Variants in CGNL1 observed in about 807,000 individuals in gnomAD.
CGNL1 encodes cingulin like 1, also known as cingulin-like protein 1.
A neutral mutation model predicts 141.2 loss-of-function variants in CGNL1; 132 were observed. The observed-to-expected ratio is 0.93, with a 90% CI of 0.81 to 1.08. The LOEUF (loss-of-function observed/expected upper bound fraction) is 1.08, where lower values mean the gene tolerates loss of function less well. CGNL1 is among the 50% of genes least tolerant of loss of function. CGNL1 has a pLI of 0.00. For missense variants in CGNL1, 1,870 were observed against 1,588.6 expected, an observed-to-expected ratio of 1.18 and a Z score of -3.01; for synonymous variants, 690 against 622.1, an observed-to-expected ratio of 1.11 and a Z score of -1.63.
intron 1 of CGNL1, among the ~76,000 whole-genome samples, chr15:57,435,261 A>G (rs933890729): frequency 6.6e-6 from 1 of 152,146 alleles, no homozygotes; most frequent in Admixed American, 6.5e-5. Flanking sequence ...TCTTGATTTT[A>G]TTATTGGTAG....
chr15:57,465,629 G>T (rs2063502637), intron 8 of CGNL1, among the ~76,000 whole-genome samples: 2 of 150,766 alleles, frequency 1.3e-5, no homozygotes. Context: ...GACCTCAGGG[G>T]ATCCGTCAGC....
Position 57,531,725 on chromosome 15 carries a change from A to T in CGNL1, c.3237A>T (p.Glu1079Asp). 6.2e-7 allele frequency: 1 copy of T among 1,613,398 alleles called. No individual in the cohort carries two copies. The highest frequency in any genetic ancestry group is 8.5e-7 in the Non-Finnish European group (1 of 1,179,320). Residue 1079 changes from glutamate to aspartate, a missense_variant, in exon 14 of 19, where the codon GAA becomes GAT. Transcript: ENST00000281282. ...KVSQLEMELE[E>D]ERNNSDLLSE... ...CTCAACTGGAGATGGAACTGGAAGAAGAGAGAAACAACTCAGATTTGCTGT... is the reference window on the plus strand; with the variant it reads ...CTCAACTGGAGATGGAACTGGAAGATGAGAGAAACAACTCAGATTTGCTGT...
At chr15:57,453,568 G>A (rs753831981) in intron 6 of CGNL1, 115 bp from the exon 7 acceptor site, 17 of 1,343,926 alleles carry the variant, frequency 1.3e-5, no homozygotes, top group Non-Finnish European at 1.7e-5. Flanking sequence ...CAGAGAATGG[G>A]GAGGCTCCTT....
chr15:57,519,237 G>T (rs2031073017), intron 10 of CGNL1, among the ~76,000 whole-genome samples: 1 of 152,200 alleles, frequency 6.6e-6, no homozygotes, highest in African/African-American at 2.4e-5. Context: ...AAGTATCTCA[G>T]GTGAGTTTCT....
chr15:57,472,854 T>C (rs1314274277), intron 8 of CGNL1, among the ~76,000 whole-genome samples: 1 of 152,202 alleles, frequency 6.6e-6, no homozygotes, highest in Non-Finnish European at 1.5e-5. Flanking sequence ...AAAGTTTTTA[T>C]TTGTTTCTTG....
intron 1 of CGNL1, among the ~76,000 whole-genome samples, chr15:57,391,690 A>G (rs563576900): frequency 6.6e-6 from 1 of 152,348 alleles, no homozygotes; most frequent in African/African-American, 2.4e-5. Flanking sequence ...TACCTCATGT[A>G]AACAAGAAGT....
chr15:57,532,717 C>T (rs761361827), intron 14 of CGNL1, among the ~76,000 whole-genome samples: 2 of 152,172 alleles, frequency 1.3e-5, no homozygotes, highest in South Asian at 2.1e-4. Context: ...GAAAAGGCTG[C>T]ATCGTAGAGC....
intron 1 of CGNL1, among the ~76,000 whole-genome samples, chr15:57,422,986 A>G (rs1216322980): frequency 1.3e-5 from 2 of 152,086 alleles, no homozygotes; most frequent in African/African-American, 4.8e-5. Context: ...CTCCACCTGG[A>G]GTAGTTTGGG....
rs760861852 is a variant in CGNL1 at position 57,438,092 on chromosome 15, T to G, written c.93T>G (p.Ser31Arg). 1 of 1,613,488 alleles carries G rather than the reference T, an allele frequency of 6.2e-7. No homozygotes were observed. The highest frequency in any genetic ancestry group is 1.1e-5 in the South Asian group (1 of 91,040). The change falls in exon 2 of 19, where the codon AGT becomes AGG. Residue 31 changes from serine (S) to arginine (R), a missense_variant. Ser to Arg is a moderately radical substitution (Grantham distance 110). Transcript: ENST00000281282. Reference protein sequence around the residue: ...LASDDTQKSRSSQNSKAGSYG... With the variant: ...LASDDTQKSRRSQNSKAGSYG... ...GTGATGATACCCAAAAATCAAGGAGTTCCCAGAACTCCAAGGCAGGCTCCT... is the reference window on the plus strand; with the variant it reads ...GTGATGATACCCAAAAATCAAGGAGGTCCCAGAACTCCAAGGCAGGCTCCT...
At chr15:57,481,162 G>A (rs1034353780) in intron 8 of CGNL1, among the ~76,000 whole-genome samples, 9 of 136,466 alleles carry the variant, frequency 6.6e-5, no homozygotes, top group Admixed American at 3.1e-4. Context: ...ATATGCAATT[G>A]TAAAAAAAAA....
At chr15:57,469,347 G>A (rs552029194) in intron 8 of CGNL1, among the ~76,000 whole-genome samples, 17 of 151,266 alleles carry the variant, frequency 1.1e-4, no homozygotes, top group African/African-American at 3.2e-4. Flanking sequence ...AATGAGTGAG[G>A]AGCAGGGCTG....
chr15:57,419,633 T>C (rs1180726030), intron 1 of CGNL1, among the ~76,000 whole-genome samples: 3 of 152,238 alleles, frequency 2.0e-5, no homozygotes, highest in African/African-American at 7.2e-5. Flanking sequence ...AGTCCCATTA[T>C]GGGGCTTCTA....
intron 8 of CGNL1, among the ~76,000 whole-genome samples, chr15:57,486,932 C>G (rs2063792885): frequency 6.6e-6 from 1 of 152,190 alleles, no homozygotes; most frequent in Admixed American, 6.5e-5. Context: ...GAACTTCTTA[C>G]AGATGTCACA....
intron 8 of CGNL1, among the ~76,000 whole-genome samples, chr15:57,493,820 A>C (rs2063900138): frequency 6.6e-6 from 1 of 152,250 alleles, no homozygotes; most frequent in Non-Finnish European, 1.5e-5. Flanking sequence ...ATAGGTGCAT[A>C]GTTACTTTCC....
At chr15:57,415,459 G>A (rs972926794) in intron 1 of CGNL1, among the ~76,000 whole-genome samples, 4 of 152,198 alleles carry the variant, frequency 2.6e-5, no homozygotes, top group Non-Finnish European at 5.9e-5. Flanking sequence ...ACCAAGAGCT[G>A]AGAAATGCAG....
intron 1 of CGNL1, among the ~76,000 whole-genome samples, chr15:57,398,081 C>G (rs765654966): frequency 2.0e-5 from 3 of 152,072 alleles, no homozygotes; most frequent in Admixed American, 6.6e-5. Flanking sequence ...ATACCCAGCA[C>G]CATTTAAATT....
intron 14 of CGNL1, 144 bp downstream of exon 14, chr15:57,531,923 T>A (rs751041323): frequency 1.2e-5 from 7 of 594,236 alleles, no homozygotes; most frequent in Non-Finnish European, 1.8e-5. Context: ...GTCATCACCA[T>A]AGTGAGCTTC....
At position 57,545,624 on chromosome 15, in the gene CGNL1, G is replaced by A. The variant is rs757609826; in HGVS notation, c.3533G>A (p.Arg1178Gln). ...DRANLQLSNR[R>Q]LERKVKELVM... ...GCCAATCTTCAGCTCAGCAACCGGC[G>A]GCTGGAGCGGAAAGTGAAGGAGCTG... Residue 1178 changes from arginine (R) to glutamine (Q), a missense_variant, in exon 17 of 19, where the codon CGG becomes CAG. By Grantham distance (43) the Arg-to-Gln change is conservative. Transcript: ENST00000281282. 16 of 1,613,604 alleles carry A rather than the reference G, an allele frequency of 9.9e-6. No individual in the cohort carries two copies. The South Asian group carries it at 1.2e-4, about 12-fold the overall frequency.
At chr15:57,423,747 G>A (rs1171948602) in intron 1 of CGNL1, among the ~76,000 whole-genome samples, 1 of 152,166 alleles carries the variant, frequency 6.6e-6, no homozygotes, top group African/African-American at 2.4e-5. Context: ...TCAGTTGTCT[G>A]TGTCTGCTTC....
Sources: gnomAD v4.1 joint callset for allele counts (sites outside exome capture counted in the v4.1 genomes callset) on GRCh38, gnomAD v4.1.1 for gene constraint, MANE v1.5 for transcripts, NCBI Gene and HGNC (gene_info 2026-07-23, HGNC 2026-07-21) for gene names.